NAALADL2: variants seen among roughly 807,000 people sequenced by gnomAD.
NAALADL2 encodes the protein N-acetylated alpha-linked acidic dipeptidase like 2, also known as inactive N-acetylated-alpha-linked acidic dipeptidase-like protein 2.
Under a neutral mutation model 87.2 loss-of-function variants are expected in NAALADL2, and 76 were observed. The ratio of observed to expected loss-of-function variants is 0.87; its 90% CI spans 0.72 to 1.05. NAALADL2 has a LOEUF of 1.05. Ranked by LOEUF, NAALADL2 falls within the 50% of genes least tolerant of loss-of-function variation. The pLI, the probability that NAALADL2 is intolerant of heterozygous loss-of-function variation, is 0.00. For synonymous variants in NAALADL2, 354 were observed against 331.0 expected (o/e 1.07, Z -0.75); for missense variants, 1,089 against 945.8 (o/e 1.15, Z -1.99).
intron 11 of NAALADL2, among the ~76,000 whole-genome samples, chr3:175,726,437 C>T (rs1742931458): frequency 6.6e-6 from 1 of 152,096 alleles, no homozygotes; most frequent in South Asian, 2.1e-4. Flanking sequence ...AATGTAACAC[C>T]TCCATGGAGC....
At chr3:174,832,588 A>T (rs568212538) in intron 3 of NAALADL2, among the ~76,000 whole-genome samples, 313 of 152,046 alleles carry the variant, frequency 2.1e-3, no homozygotes, top group Non-Finnish European at 3.6e-3. Context: ...CAGCCTCCCG[A>T]GTAGCTGAGA....
intron 2 of NAALADL2, among the ~76,000 whole-genome samples, chr3:175,107,335 A>G (rs1236571129): frequency 6.6e-6 from 1 of 151,978 alleles, no homozygotes; most frequent in Non-Finnish European, 1.5e-5. Context: ...CCTTCCCAGA[A>G]AAGAAGTAAT....
intron 1 of NAALADL2, among the ~76,000 whole-genome samples, chr3:174,499,697 G>T (rs1718770272): frequency 6.6e-6 from 1 of 151,806 alleles, no homozygotes; most frequent in Admixed American, 6.6e-5. Flanking sequence ...CCACTAAATT[G>T]TCTTTTTTTT....
At chr3:175,101,502 A>T (rs1580449495) in intron 2 of NAALADL2, among the ~76,000 whole-genome samples, 1 of 152,186 alleles carries the variant, frequency 6.6e-6, no homozygotes, top group South Asian at 2.1e-4. Context: ...TAATAAATCC[A>T]CCAAGCCTCT....
intron 1 of NAALADL2, among the ~76,000 whole-genome samples, chr3:175,003,808 T>C (rs78346416): frequency 2.1e-3 from 325 of 152,312 alleles, no homozygotes; most frequent in African/African-American, 7.6e-3. Flanking sequence ...GAAGTGCCTA[T>C]AGACAACATG....
At chr3:175,459,800 G>C (rs1259304730) in intron 6 of NAALADL2, among the ~76,000 whole-genome samples, 2 of 152,034 alleles carry the variant, frequency 1.3e-5, no homozygotes, top group African/African-American at 4.8e-5. Flanking sequence ...ATATGGGAAG[G>C]CCTGCTAAAC....
intron 2 of NAALADL2, among the ~76,000 whole-genome samples, chr3:175,122,624 G>T (rs1220265297): frequency 1.3e-5 from 2 of 151,688 alleles, no homozygotes; most frequent in African/African-American, 2.4e-5. Context: ...GGGGTTTCCT[G>T]TTTAATGGGT....
chr3:174,809,236 C>A (rs1012157185), intron 3 of NAALADL2, among the ~76,000 whole-genome samples: 2 of 152,080 alleles, frequency 1.3e-5, no homozygotes, highest in African/African-American at 4.8e-5. Flanking sequence ...GGGATATATA[C>A]GCAGGCTCCA....
chr3:174,686,487 CT>C lies in NAALADL2; in HGVS notation c.-114-51143del, dbSNP rs796222043. 9.6e-3 allele frequency among the ~76,000 whole-genome samples: 1,396 copies of C among 145,648 alleles called. 8 individuals are homozygous for C. The highest frequency in any genetic ancestry group is 0.014 in the Non-Finnish European group (952 of 66,046). ...TGTTAAGCTTTTTTCATATGTTGAG[CT>C]TTTTTTTTTTCCACATGATTATTGG... On this transcript the variant is annotated intron_variant, in intron 2 of 3. Transcript: ENST00000434257.
chr3:175,224,615 T>C (rs1353733860), intron 2 of NAALADL2, among the ~76,000 whole-genome samples: 1 of 152,130 alleles, frequency 6.6e-6, no homozygotes, highest in East Asian at 1.9e-4. Context: ...AAGTCTGCTC[T>C]TCTGGTATCA....
intron 1 of NAALADL2, among the ~76,000 whole-genome samples, chr3:175,011,280 CAGAGAGAGAGAGAGAGAGAGAG>C (rs139229550): frequency 3.5e-5 from 4 of 113,476 alleles, no homozygotes; most frequent in Non-Finnish European, 6.7e-5. Flanking sequence ...GACAGAGAGA[CAGAGAGAGAGAGAGAGAGAGAG>C]AGAGAGAGAG....
At position 174,909,334 on chromosome 3, in the gene NAALADL2, G is replaced by A. The variant is rs542063060; in HGVS notation, c.43+49884G>A. On this transcript the variant is annotated intron_variant, in intron 1 of 13. Transcript: ENST00000454872. ...GCTTGAATCCCGGGAGACAGAGGTC[G>A]CCATGAGCCAAGACAGTGCCATTGC... is the stretch of plus-strand genomic sequence containing the variant. 4.6e-5 allele frequency among the ~76,000 whole-genome samples: 7 copies of A among 152,094 alleles called. No homozygotes were observed. The East Asian group carries it at 5.8e-4, about 13-fold the overall frequency.
intron 5 of NAALADL2, among the ~76,000 whole-genome samples, chr3:175,367,218 T>C (rs1009343515): frequency 2.8e-4 from 43 of 151,890 alleles, no homozygotes; most frequent in African/African-American, 9.5e-4. Flanking sequence ...CATTGATCTA[T>C]ATCTCTATTT....
At chr3:174,783,728 A>G (rs1158482206) in intron 3 of NAALADL2, among the ~76,000 whole-genome samples, 1 of 152,080 alleles carries the variant, frequency 6.6e-6, no homozygotes, top group Non-Finnish European at 1.5e-5. Context: ...CTCTGAAGTC[A>G]TTGTTGCTTG....
At chr3:175,580,855 T>C (rs1334354696) in intron 10 of NAALADL2, among the ~76,000 whole-genome samples, 1 of 152,126 alleles carries the variant, frequency 6.6e-6, no homozygotes, top group Non-Finnish European at 1.5e-5. Flanking sequence ...TATTTTGGTC[T>C]AAAAATCCAT....
At chr3:174,566,418 T>C (rs1346150222) in intron 2 of NAALADL2, among the ~76,000 whole-genome samples, 2 of 151,832 alleles carry the variant, frequency 1.3e-5, no homozygotes, top group African/African-American at 4.8e-5. Context: ...ATCTGGCTTT[T>C]TTCCTCTAAG....
At chr3:174,957,830 A>G (rs1741377643) in intron 1 of NAALADL2, among the ~76,000 whole-genome samples, 2 of 152,002 alleles carry the variant, frequency 1.3e-5, no homozygotes, top group Non-Finnish European at 2.9e-5. Context: ...TGTCTAAATT[A>G]GATCAGAGGG....
chr3:174,966,222 T>C (rs574117523), intron 1 of NAALADL2, among the ~76,000 whole-genome samples: 2 of 152,322 alleles, frequency 1.3e-5, no homozygotes, highest in South Asian at 4.1e-4. Flanking sequence ...AAAACTTTGT[T>C]TCTCCTTGAT....
intron 11 of NAALADL2, among the ~76,000 whole-genome samples, chr3:175,665,074 T>C (rs1732768876): frequency 6.6e-6 from 1 of 152,102 alleles, no homozygotes; most frequent in Non-Finnish European, 1.5e-5. Flanking sequence ...CCAAAGATCA[T>C]AGCTTGCCCA....
Sources: gnomAD v4.1 joint callset for allele counts (sites outside exome capture counted in the v4.1 genomes callset) on GRCh38, gnomAD v4.1.1 for gene constraint, MANE v1.5 for transcripts, NCBI Gene and HGNC (gene_info 2026-07-23, HGNC 2026-07-21) for gene names.